Variants in NBR1 observed in about 807,000 individuals in gnomAD.
NBR1 encodes next to BRCA1 gene 1 protein.
NBR1 carries 59 observed loss-of-function variants against 115.5 expected under a neutral mutation model. The ratio of observed to expected loss-of-function variants is 0.51; its 90% confidence interval spans 0.41 to 0.63. The LOEUF (loss-of-function observed/expected upper bound fraction) is 0.63. NBR1 is among the 30% of genes least tolerant of loss of function. NBR1 has a pLI of 0.00. For missense variants in NBR1, 1,043 were observed against 1,150.5 expected (o/e 0.91, Z 1.35); for synonymous variants, 373 against 414.7 (o/e 0.90, Z 1.22).
At chr17:43,195,581 G>T (rs189617320) in intron 14 of NBR1, 265 of 154,664 alleles carry the variant, frequency 1.7e-3, no homozygotes, top group Non-Finnish European at 3.0e-3. Context: ...AACCCAGAAG[G>T]CGGAGGTTGT....
chr17:43,189,908 C>A, intron 8 of NBR1, 106 bp downstream of exon 8: 1 of 942,786 alleles, frequency 1.1e-6, no homozygotes, highest in Non-Finnish European at 1.6e-6. Context: ...TGTTTCTGAG[C>A]ATTAGATGTT....
At chr17:43,192,745 G>A (rs939989765) in intron 10 of NBR1, among the ~76,000 whole-genome samples, 3 of 152,034 alleles carry the variant, frequency 2.0e-5, no homozygotes, top group African/African-American at 7.2e-5. Flanking sequence ...TCAAAATGGC[G>A]GGGTCCCTCT....
chr17:43,172,604 G>A (rs1183513238), intron 1 of NBR1, among the ~76,000 whole-genome samples: 1 of 152,074 alleles, frequency 6.6e-6, no homozygotes, highest in African/African-American at 2.4e-5. Flanking sequence ...TCATATGAAT[G>A]AATACTAGAT....
chr17:43,188,942 G>C (rs987210934), intron 6 of NBR1, 100 bp from the exon 7 acceptor site: 1 of 832,688 alleles, frequency 1.2e-6, no homozygotes, highest in African/African-American at 1.7e-5. Flanking sequence ...TTATATACTT[G>C]TATGATTTCA....
intron 9 of NBR1, among the ~76,000 whole-genome samples, chr17:43,191,006 A>G (rs1339621153): frequency 6.6e-6 from 1 of 152,214 alleles, no homozygotes; most frequent in African/African-American, 2.4e-5. Flanking sequence ...TATCTCAGCA[A>G]CTTGAGGGGC....
intron 5 of NBR1, among the ~76,000 whole-genome samples, chr17:43,181,642 G>C (rs2154582012): frequency 6.6e-6 from 1 of 151,958 alleles, no homozygotes; most frequent in South Asian, 2.1e-4. Context: ...CTCCAGCCTG[G>C]GCGACAGTGA....
At chr17:43,184,658 G>C (rs183306608) in intron 5 of NBR1, among the ~76,000 whole-genome samples, 1 of 151,508 alleles carries the variant, frequency 6.6e-6, no homozygotes, top group Non-Finnish European at 1.5e-5. Context: ...GAGCCACCGC[G>C]CCTGGCCCCA....
At chr17:43,194,238 G>T in intron 12 of NBR1, 112 bp from the exon 13 acceptor site, 1 of 1,001,344 alleles carries the variant, frequency 1.0e-6, no homozygotes. Context: ...CAAAAACATT[G>T]TTTTTTAAAA....
At chr17:43,198,660 A>T (rs373405238) in intron 16 of NBR1, among the ~76,000 whole-genome samples, 112 of 146,812 alleles carry the variant, frequency 7.6e-4, no homozygotes, top group East Asian at 3.3e-3. Context: ...TAAAAAAAAA[A>T]AATAATAAAG....
intron 5 of NBR1, 130 bp downstream of exon 5, chr17:43,180,947 C>T (rs1279841196): frequency 1.0e-6 from 1 of 964,332 alleles, no homozygotes; most frequent in East Asian, 4.4e-5. Context: ...TCTGGGGTTG[C>T]TGCAGTCTTC....
chr17:43,195,132 T>G, intron 14 of NBR1, 93 bp downstream of exon 14: 2 of 965,728 alleles, frequency 2.1e-6, no homozygotes, highest in Middle Eastern at 2.1e-4. Context: ...TCTGAGGAAA[T>G]GGCAAGGATT....
chr17:43,210,563 A>T lies in NBR1; in HGVS notation c.*489A>T, dbSNP rs1468545143. 2.5e-6 allele frequency: 1 copy of T among 398,378 alleles called. No homozygotes were observed. The highest frequency in any genetic ancestry group is 4.4e-5 in the Admixed American group (1 of 22,710). 24.7% of individuals were successfully genotyped at this position (398,378 alleles called of 1,614,324 possible). ...CATAGTTATTTGGCATTGAAATAAC[A>T]CCCAGAGCATGATAGAAATGTTGTT... On this transcript the variant is annotated 3_prime_UTR_variant, in exon 21 of 21. Transcript: ENST00000590996.
intron 20 of NBR1, among the ~76,000 whole-genome samples, chr17:43,207,367 A>G (rs1199376945): frequency 1.3e-5 from 2 of 152,066 alleles, no homozygotes; most frequent in Admixed American, 1.3e-4. Flanking sequence ...GTTTAGTTTT[A>G]GTTTTTTAGA....
At position 43,210,868 on chromosome 17, in the gene NBR1, G is replaced by A; in HGVS notation, c.*794G>A. Reference sequence around the variant, plus strand: ...AAAGGAAAAAATCCCGTTATTTAAAGGGAAAAGTAAATTTAACAGTTGCCT... The same window carrying A: ...AAAGGAAAAAATCCCGTTATTTAAAAGGAAAAGTAAATTTAACAGTTGCCT... On this transcript the variant is annotated 3_prime_UTR_variant, in exon 21 of 21. Transcript: ENST00000590996. The A allele has an allele frequency of 2.5e-6, 1 of 396,966 alleles. No homozygotes were observed. Among genetic ancestry groups the A allele is most frequent in the Non-Finnish European group, 4.4e-6 (1 of 225,568 alleles). 24.6% of individuals were successfully genotyped at this position (396,966 alleles called of 1,614,324 possible). A position where few individuals can be genotyped will look rare whatever the true frequency, so the allele number is the denominator to read the frequency against.
intron 4 of NBR1, 71 bp from the exon 5 acceptor site, chr17:43,180,724 T>C: frequency 7.4e-7 from 1 of 1,348,434 alleles, no homozygotes. Flanking sequence ...AAAATAAAAA[T>C]AATTTTAAAA....
chr17:43,180,477 C>T (rs939927964), intron 4 of NBR1, among the ~76,000 whole-genome samples: 12 of 152,134 alleles, frequency 7.9e-5, no homozygotes, highest in African/African-American at 2.9e-4. Context: ...TGTTATGTGG[C>T]AATGGTTACT....
chr17:43,208,065 G>A (rs1360011676), intron 20 of NBR1, among the ~76,000 whole-genome samples: 4 of 152,192 alleles, frequency 2.6e-5, no homozygotes, highest in Non-Finnish European at 5.9e-5. Context: ...GTTCTATGCT[G>A]GAACTTAAGG....
chr17:43,188,632 T>G (rs1192830628), intron 6 of NBR1, among the ~76,000 whole-genome samples: 2 of 152,210 alleles, frequency 1.3e-5, no homozygotes, highest in African/African-American at 4.8e-5. Context: ...GAGTTAATTT[T>G]TGTATAAGGT....
chr17:43,186,353 C>T lies in NBR1; in HGVS notation c.311C>T (p.Ala104Val), dbSNP rs1278310785. 6.2e-7 allele frequency: 1 copy of T among 1,600,670 alleles called. No individual in the cohort carries two copies. Among genetic ancestry groups the T allele is most frequent in the Non-Finnish European group, 8.5e-7 (1 of 1,173,742 alleles). ...GTTGTAGGAGCAAAACGACTAGCTG[C>T]CAGGGCAGGGAAGAAGCCACTTGCA... Reference protein sequence around the residue: ...PPVVGAKRLAARAGKKPLAHY... With the variant: ...PPVVGAKRLAVRAGKKPLAHY... The change falls in exon 6 of 21, where the codon GCC becomes GTC. Residue 104 changes from alanine (A) to valine (V), a missense_variant. By Grantham distance (64) the Ala-to-Val change is moderately conservative (BLOSUM62 0). Transcript: ENST00000590996.
Sources: gnomAD v4.1 joint callset for allele counts (sites outside exome capture counted in the v4.1 genomes callset) on GRCh38, gnomAD v4.1.1 for gene constraint, MANE v1.5 for transcripts, NCBI Gene and HGNC (gene_info 2026-07-23, HGNC 2026-07-21) for gene names.